Variants in KDM1B observed in about 807,000 individuals in gnomAD.
The protein encoded by KDM1B is lysine-specific histone demethylase 2.
A neutral mutation model predicts 107.4 loss-of-function variants in KDM1B; 63 were observed. The observed-to-expected ratio is 0.59, with a 90% CI of 0.48 to 0.72. The LOEUF (loss-of-function observed/expected upper bound fraction) is 0.72. KDM1B is among the 30% of genes least tolerant of loss of function. The pLI, the probability that KDM1B is intolerant of heterozygous loss-of-function variation, is 0.00. For synonymous variants in KDM1B, 363 were observed against 363.9 expected, an observed-to-expected ratio of 1.00 and a Z score of 0.03; for missense variants, 749 against 1,020.8, an observed-to-expected ratio of 0.73 and a Z score of 3.63.
chr6:18,197,243 T>C lies in KDM1B; in HGVS notation c.1146+10T>C. The C allele has an allele frequency of 6.2e-7, 1 of 1,610,222 alleles. No individual in the cohort carries two copies. Among genetic ancestry groups the C allele is most frequent in the South Asian group, 1.1e-5 (1 of 90,860 alleles). ...TAAGGACTACCACAATGTAGGTGATTATAGCTTTAGCGATAGCCTTGCCAT... is the reference window on the plus strand; with the variant it reads ...TAAGGACTACCACAATGTAGGTGATCATAGCTTTAGCGATAGCCTTGCCAT... On this transcript the variant is annotated intron_variant, in intron 11 of 21. Coordinates refer to ENST00000650836, the MANE Select transcript of KDM1B (RefSeq NM_001364614.2). This position sits in a 1 kb window ranked among gnomAD's most constrained non-coding sequence, Gnocchi z 4.5.
intron 21 of KDM1B, among the ~76,000 whole-genome samples, chr6:18,220,658 G>A (rs547107778): frequency 6.6e-6 from 1 of 152,334 alleles, no homozygotes; most frequent in South Asian, 2.1e-4. Context: ...GACAACAAAT[G>A]TCAGCAGCTT....
At position 18,208,184 on chromosome 6, in the gene KDM1B, G is replaced by A. The variant is rs72840622; in HGVS notation, c.1844G>A (p.Gly615Asp). 32,724 of 1,613,062 alleles carry A rather than the reference G, an allele frequency of 0.02. 391 individuals are homozygous for A. The highest frequency in any genetic ancestry group is 0.025 in the Non-Finnish European group (29,550 of 1,179,190). The change falls in exon 17 of 22, where the codon GGC (glycine) becomes GAC (aspartate). Residue 615 changes from glycine to aspartate, a missense_variant. By Grantham distance (94) the Gly-to-Asp change is moderately conservative (BLOSUM62 -1). Transcript: ENST00000650836. Reference protein sequence around the residue: ...GDEVQVTTTDGTGYSAQKVLV... With the variant: ...GDEVQVTTTDDTGYSAQKVLV... ...GAAGTGCAGGTTACCACTACAGATGGCACAGGGTATTCTGCACAAAAGGTA... is the reference window on the plus strand; with the variant it reads ...GAAGTGCAGGTTACCACTACAGATGACACAGGGTATTCTGCACAAAAGGTA...
At position 18,187,698 on chromosome 6, in the gene KDM1B, A is replaced by G. The variant is rs1786967069; in HGVS notation, c.574-94A>G. 2.6e-5 allele frequency: 21 copies of G among 808,008 alleles called. No individual in the cohort carries two copies. In the South Asian group the frequency reaches 3.3e-4, roughly 13 times the overall value. The allele number at this position is 808,008 out of a possible 1,614,324, so 50.1% of individuals were successfully genotyped here. ...GAAAAAGCATAGCGGGTTAAGGACA[A>G]GTGAAACGAAGAGAACCCTCTGTCC... On this transcript the variant is annotated intron_variant, in intron 8 of 21. Transcript: ENST00000650836.
intron 14 of KDM1B, among the ~76,000 whole-genome samples, chr6:18,202,645 C>T (rs540953367): frequency 7.4e-4 from 112 of 152,300 alleles, no homozygotes; most frequent in African/African-American, 2.4e-3. Flanking sequence ...CATTGGAACT[C>T]AGTTTGCAAG....
intron 7 of KDM1B, among the ~76,000 whole-genome samples, chr6:18,173,442 C>A (rs202172611): frequency 1.3e-5 from 2 of 152,018 alleles, no homozygotes; most frequent in East Asian, 3.9e-4. Flanking sequence ...TTTTTTCCCC[C>A]CAGTTTGTGT....
rs192138463 is a variant in KDM1B, at chr6:18,162,928, T to C, written c.305+4T>C. On this transcript the variant is annotated splice_donor_region_variant and intron_variant, in intron 5 of 21. Transcript: ENST00000650836. The surrounding 1 kb of genome is among the most constrained non-coding windows in gnomAD (Gnocchi z 4.1). ...GCTTTGACCATTACTACAGAAGGTA[T>C]GTTCACTAATTGTGTGAGGTTTCCC... 6.4e-6 allele frequency: 10 copies of C among 1,571,638 alleles called. No individual in the cohort carries two copies. Among genetic ancestry groups the C allele is most frequent in the East Asian group, 2.2e-5 (1 of 44,654 alleles).
Position 18,172,880 on chromosome 6 carries a change from A to G in KDM1B, c.534+1401A>G, listed in dbSNP as rs1561914558. 6.6e-6 allele frequency among the ~76,000 whole-genome samples: 1 copy of G among 152,130 alleles called. No homozygotes were observed. Among genetic ancestry groups the G allele is most frequent in the Non-Finnish European group, 1.5e-5 (1 of 68,026 alleles). ...CGAGATGGGCGGATCACCCGAGGTCAGGAGTTCAAGACCAGCCTGGCCAAC... is the reference window on the plus strand; with the variant it reads ...CGAGATGGGCGGATCACCCGAGGTCGGGAGTTCAAGACCAGCCTGGCCAAC... On this transcript the variant is annotated intron_variant, in intron 7 of 21. Transcript: ENST00000650836. This position sits in a 1 kb window ranked among gnomAD's most constrained non-coding sequence, Gnocchi z 5.2.
At position 18,222,857 on chromosome 6, in the gene KDM1B, A is replaced by G. The variant is rs1789867989; in HGVS notation, c.*865A>G. The stretch of plus-strand genomic sequence containing the variant: ...AGCCCCTCTCCACTTCTTTTATTTA[A>G]AAGCACTGATTCAATTGCTAGGAAT... On this transcript the variant is annotated 3_prime_UTR_variant, in exon 22 of 22. Transcript: ENST00000650836. The G allele has an allele frequency of 6.6e-6, 1 of 152,636 alleles. No homozygotes were observed. Among genetic ancestry groups the G allele is most frequent in the African/African-American group, 2.4e-5 (1 of 41,456 alleles). 9.5% of individuals were successfully genotyped at this position (152,636 alleles called of 1,614,324 possible).
At chr6:18,171,340 T>G (rs764048004) in intron 6 of KDM1B, 23 bp from the exon 7 acceptor site, 2 of 1,183,848 alleles carry the variant, frequency 1.7e-6, no homozygotes, top group South Asian at 2.4e-5. Context: ...CTTGTTCATC[T>G]TGACTTGATA....
intron 21 of KDM1B, among the ~76,000 whole-genome samples, chr6:18,220,493 C>T (rs1789607549): frequency 1.3e-5 from 2 of 151,470 alleles, no homozygotes; most frequent in African/African-American, 2.4e-5. Flanking sequence ...TTGCAGTGAG[C>T]CAAGATCACG....
At chr6:18,174,564 G>T (rs145942251) in intron 7 of KDM1B, among the ~76,000 whole-genome samples, 1 of 151,932 alleles carries the variant, frequency 6.6e-6, no homozygotes, top group Non-Finnish European at 1.5e-5. Context: ...CCCATCACCC[G>T]AGCAGTATAC....
intron 7 of KDM1B, among the ~76,000 whole-genome samples, chr6:18,182,878 G>A (rs926097394): frequency 5.3e-5 from 8 of 152,066 alleles, no homozygotes; most frequent in Admixed American, 1.3e-4. Flanking sequence ...CTGAACAGAC[G>A]TCCTGCGTTT....
At chr6:18,175,346 A>G (rs1320679389) in intron 7 of KDM1B, among the ~76,000 whole-genome samples, 1 of 150,026 alleles carries the variant, frequency 6.7e-6, no homozygotes, top group Non-Finnish European at 1.5e-5. Flanking sequence ...TTTTCTCTTA[A>G]TGATTTGTTT....
At chr6:18,180,630 A>G (rs1190217300) in intron 7 of KDM1B, among the ~76,000 whole-genome samples, 1 of 152,190 alleles carries the variant, frequency 6.6e-6, no homozygotes, top group Non-Finnish European at 1.5e-5. Context: ...CGGTGACACC[A>G]TCTAGGCCTA....
chr6:18,179,114 A>T (rs1047479758), intron 7 of KDM1B, among the ~76,000 whole-genome samples: 3 of 152,214 alleles, frequency 2.0e-5, no homozygotes. Flanking sequence ...ACTTTTTATG[A>T]TGAATAGATA....
Position 18,172,135 on chromosome 6 carries a change from G to A in KDM1B, c.534+656G>A, listed in dbSNP as rs1370198844. On this transcript the variant is annotated intron_variant, in intron 7 of 21. Coordinates refer to ENST00000650836, the MANE Select transcript of KDM1B (RefSeq NM_001364614.2). This position sits in a 1 kb window ranked among gnomAD's most constrained non-coding sequence, Gnocchi z 5.2. ...AACAAAGCCGGATCCTATTAGTGAG[G>A]AAGAAAAGATTAATTGATATGCTTG... Among the ~76,000 whole-genome samples, 2 of 152,154 alleles carry A rather than the reference G, an allele frequency of 1.3e-5. No homozygotes were observed. The highest frequency in any genetic ancestry group is 2.9e-5 in the Non-Finnish European group (2 of 68,024).
chr6:18,170,796 G>T (rs953865534), intron 6 of KDM1B, among the ~76,000 whole-genome samples: 2 of 150,732 alleles, frequency 1.3e-5, no homozygotes, highest in Non-Finnish European at 3.0e-5. Context: ...GTTTCTTTAG[G>T]TTAGAGCTGG....
intron 5 of KDM1B, among the ~76,000 whole-genome samples, 174 bp from the exon 6 acceptor site, chr6:18,166,093 A>G (rs2150791958): frequency 6.6e-6 from 1 of 152,324 alleles, no homozygotes; most frequent in East Asian, 1.9e-4. Context: ...TGACAAGAAT[A>G]TACCCCTTCT....
At chr6:18,206,308 G>A (rs1397715076) in intron 15 of KDM1B, among the ~76,000 whole-genome samples, 1 of 152,008 alleles carries the variant, frequency 6.6e-6, no homozygotes, top group Non-Finnish European at 1.5e-5. Context: ...TTGAGCCCAG[G>A]AGTTCAAGAC....
Sources: gnomAD v4.1 joint callset for allele counts (sites outside exome capture counted in the v4.1 genomes callset) on GRCh38, gnomAD v4.1.1 for gene constraint, Gnocchi (gnomAD v3.1) non-coding constraint, MANE v1.5 for transcripts, NCBI Gene and HGNC (gene_info 2026-07-23, HGNC 2026-07-21) for gene names.